Variants in BIRC2 observed in about 807,000 individuals in gnomAD.
The protein encoded by BIRC2 is baculoviral IAP repeat-containing protein 2.
In BIRC2, 18 loss-of-function variants were observed where a neutral mutation model predicts 60.9. The observed-to-expected ratio is 0.30, with a 90% CI of 0.20 to 0.44. The LOEUF (loss-of-function observed/expected upper bound fraction) is 0.44, where lower values mean the gene tolerates loss of function less well. Among genes scored for constraint, BIRC2 ranks in the 20% least tolerant of loss-of-function variants. BIRC2 has a pLI of 1.00. For synonymous variants in BIRC2, 282 were observed against 247.7 expected (o/e 1.14, Z -1.30); for missense variants, 701 against 728.5 (o/e 0.96, Z 0.43).
intron 1 of BIRC2, chr11:102,347,941 T>TA (rs1372130776): frequency 1.3e-5 from 2 of 152,176 alleles, no homozygotes; most frequent in African/African-American, 2.4e-5. Flanking sequence ...TGCACGTAGA[T>TA]AAAAATCTTT....
At chr11:102,365,462 T>C (rs186733487) in intron 5 of BIRC2, among the ~76,000 whole-genome samples, 1 of 152,354 alleles carries the variant, frequency 6.6e-6, no homozygotes, top group East Asian at 1.9e-4. Flanking sequence ...CCTTTCATTC[T>C]TTCACTTGTT....
chr11:102,360,536 T>A (rs181816256), intron 3 of BIRC2, among the ~76,000 whole-genome samples: 11 of 152,078 alleles, frequency 7.2e-5, no homozygotes, highest in African/African-American at 1.2e-4. Flanking sequence ...TTGTATATAT[T>A]TTTTTATTTC....
chr11:102,368,511 AGAG>A lies in BIRC2; in HGVS notation c.1333_1335del (p.Glu445del). 2 of 1,613,738 alleles carry A rather than the reference AGAG, an allele frequency of 1.2e-6. No individual in the cohort carries two copies. The highest frequency in any genetic ancestry group is 1.7e-6 in the Non-Finnish European group (2 of 1,179,864). Reference sequence around the variant, plus strand: ...TTAATGCTGAAGATGAAAAAAGAGAAGAGGAGAAGGAAAAACAAGCTGAAGAAA... The same window carrying A: ...TTAATGCTGAAGATGAAAAAAGAGAAGAGAAGGAAAAACAAGCTGAAGAAA... On this transcript the variant is annotated inframe_deletion, in exon 6 of 9. Coordinates refer to ENST00000227758, the MANE Select transcript of BIRC2 (RefSeq NM_001166.5).
chr11:102,368,239 C>T, intron 5 of BIRC2, 67 bp from the exon 6 acceptor site: 1 of 1,515,070 alleles, frequency 6.6e-7, no homozygotes. Flanking sequence ...AAAGATTGTG[C>T]CATGATACTT....
At chr11:102,356,134 A>C (rs560717398) in intron 3 of BIRC2, among the ~76,000 whole-genome samples, 43 of 151,302 alleles carry the variant, frequency 2.8e-4, no homozygotes, top group Non-Finnish European at 8.8e-5. Flanking sequence ...ATTATATTGA[A>C]TAGACGTGGC....
chr11:102,368,477 C>T lies in BIRC2; in HGVS notation c.1295C>T (p.Ser432Leu). 1 of 1,613,744 alleles carries T rather than the reference C, an allele frequency of 6.2e-7. No homozygotes were observed. Among genetic ancestry groups the T allele is most frequent in the Middle Eastern group, 1.6e-4 (1 of 6,062 alleles). The stretch of plus-strand genomic sequence containing the variant: ...TATAAAACAGTTAATGATATTGTGT[C>T]AGCACTTCTTAATGCTGAAGATGAA... Reference protein sequence around the residue: ...ENYKTVNDIVSALLNAEDEKR... With the variant: ...ENYKTVNDIVLALLNAEDEKR... Residue 432 changes from serine (S) to leucine (L), a missense_variant, in exon 6 of 9, where the codon TCA becomes TTA. Coordinates refer to ENST00000227758, the MANE Select transcript of BIRC2 (RefSeq NM_001166.5).
chr11:102,352,898 T>C (rs570932954), intron 3 of BIRC2, among the ~76,000 whole-genome samples: 21 of 152,312 alleles, frequency 1.4e-4, no homozygotes, highest in South Asian at 4.1e-4. Flanking sequence ...TTGTATGATA[T>C]ATGATGAAAA....
intron 3 of BIRC2, among the ~76,000 whole-genome samples, chr11:102,357,478 T>G (rs961406929): frequency 1.1e-4 from 16 of 152,194 alleles, no homozygotes; most frequent in Admixed American, 7.9e-4. Flanking sequence ...TTACTAGTTA[T>G]AAGTCTTTTC....
chr11:102,374,445 C>T (rs1297724140), intron 6 of BIRC2, among the ~76,000 whole-genome samples: 1 of 148,582 alleles, frequency 6.7e-6, no homozygotes. Flanking sequence ...TGTCAGTGTG[C>T]CCCTGCTGGG....
intron 6 of BIRC2, among the ~76,000 whole-genome samples, chr11:102,376,720 C>G (rs1393771988): frequency 1.3e-5 from 2 of 151,810 alleles, no homozygotes; most frequent in African/African-American, 2.4e-5. Flanking sequence ...TTTTTAATTG[C>G]TATAAACATA....
chr11:102,363,986 G>T (rs901346103), intron 5 of BIRC2, among the ~76,000 whole-genome samples: 24 of 151,144 alleles, frequency 1.6e-4, no homozygotes, highest in Non-Finnish European at 3.4e-4. Flanking sequence ...GGAGGTGGAG[G>T]TTGCAGTGAA....
In BIRC2 at chr11:102,377,872, A is replaced by G. The variant is rs952040408; in HGVS notation, c.1637A>G (p.Lys546Arg). Residue 546 changes from lysine to arginine, a missense_variant, in exon 8 of 9, where the codon AAG becomes AGG. Lys to Arg is a conservative substitution (Grantham distance 26). Around this residue, in one of 4 missense-constraint regions of BIRC2, gnomAD observed 235 missense variants for 208.9 expected, o/e 1.12. Coordinates refer to ENST00000227758, the MANE Select transcript of BIRC2 (RefSeq NM_001166.5). ...YKNLFVDKNM[K>R]YIPTEDVSGL... ...CTTTCCTCAGTGGATAAGAATATGA[A>G]GTATATTCCAACAGAAGATGTTTCA... 2 of 1,610,798 alleles carry G rather than the reference A, an allele frequency of 1.2e-6. No individual in the cohort carries two copies. Among genetic ancestry groups the G allele is most frequent in the South Asian group, 1.1e-5 (1 of 90,052 alleles).
At chr11:102,376,762 A>G (rs752918072) in intron 6 of BIRC2, among the ~76,000 whole-genome samples, 4 of 152,330 alleles carry the variant, frequency 2.6e-5, no homozygotes, top group Middle Eastern at 3.4e-3. Flanking sequence ...GTAGTTAACT[A>G]TGTACCACAT....
Position 102,349,770 on chromosome 11 carries a change from ATT to A in BIRC2, c.-83_-82del. 7.4e-7 allele frequency: 1 copy of A among 1,358,140 alleles called. No homozygotes were observed. Among genetic ancestry groups the A allele is most frequent in the South Asian group, 1.4e-5 (1 of 69,850 alleles). 84.1% of individuals were successfully genotyped at this position (1,358,140 alleles called of 1,614,324 possible). ...AATTCTACATAAGAGTCTATCATTGATTTCTTTTTGTGGTAAAAATCTTAGTT... is the reference window on the plus strand; with the variant it reads ...AATTCTACATAAGAGTCTATCATTGATCTTTTTGTGGTAAAAATCTTAGTT... On this transcript the variant is annotated 5_prime_UTR_variant, in exon 2 of 9. Transcript: ENST00000227758.
intron 6 of BIRC2, among the ~76,000 whole-genome samples, chr11:102,376,233 C>G (rs1402714112): frequency 3.3e-5 from 5 of 152,144 alleles, no homozygotes; most frequent in Admixed American, 3.3e-4. Flanking sequence ...ATATAGAGAA[C>G]TTCATTGAAA....
At position 102,368,428 on chromosome 11, in the gene BIRC2, A is replaced by G. The variant is rs1226322637; in HGVS notation, c.1246A>G (p.Lys416Glu). The G allele has an allele frequency of 1.9e-6, 3 of 1,613,984 alleles. No homozygotes were observed. The highest frequency in any genetic ancestry group is 1.1e-5 in the South Asian group (1 of 91,088). ...RDLVKQTVQSKILTTGENYKT... is the reference protein window; with the variant it reads ...RDLVKQTVQSEILTTGENYKT... ...CCTGGTGAAACAAACAGTTCAAAGT[A>G]AAATCCTGACAACTGGAGAGAACTA... Residue 416 changes from lysine to glutamate, a missense_variant, in exon 6 of 9, where the codon AAA becomes GAA. By Grantham distance (56) the Lys-to-Glu change is moderately conservative (BLOSUM62 1). This residue lies in a region of BIRC2 where 235 missense variants were observed against 208.9 expected (regional missense o/e 1.12). Transcript: ENST00000227758.
chr11:102,355,598 T>G (rs184938755), intron 3 of BIRC2, among the ~76,000 whole-genome samples: 1 of 152,192 alleles, frequency 6.6e-6, no homozygotes, highest in East Asian at 1.9e-4. Context: ...TAGGCTATTC[T>G]GGGCCTTAAG....
Position 102,350,696 on chromosome 11 carries a change from C to T in BIRC2, c.842C>T (p.Ser281Phe). The change falls in exon 2 of 9, where the codon TCT becomes TTT. Residue 281 changes from serine to phenylalanine, a missense_variant. This residue lies in a region of BIRC2 where 375 missense variants were observed against 365.9 expected (regional missense o/e 1.02). Transcript: ENST00000227758. ...ATGAGAACATTTATGTACTGGCCAT[C>T]TAGTGTTCCAGTTCAGCCTGAGCAG... ...ARMRTFMYWP[S>F]SVPVQPEQLA... 1.9e-6 allele frequency: 3 copies of T among 1,612,986 alleles called. No individual in the cohort carries two copies. The highest frequency in any genetic ancestry group is 4.5e-5 in the East Asian group (2 of 44,886).
At chr11:102,376,581 T>G (rs1951716804) in intron 6 of BIRC2, among the ~76,000 whole-genome samples, 1 of 152,142 alleles carries the variant, frequency 6.6e-6, no homozygotes, top group African/African-American at 2.4e-5. Context: ...TTATAATGAT[T>G]CAGATACCAA....
Sources: allele counts gnomAD v4.1 joint callset (sites outside exome capture counted in the v4.1 genomes callset), GRCh38; gene constraint gnomAD v4.1.1; regional missense constraint gnomAD v4.1.1; transcripts MANE v1.5; gene names NCBI Gene and HGNC (gene_info 2026-07-23, HGNC 2026-07-21).